The following CELA2B variants were observed in gnomAD, a reference collection of about 807,000 sequenced individuals.
CELA2B encodes the protein chymotrypsin-like elastase family member 2B.
A neutral mutation model predicts 36.5 loss-of-function variants in CELA2B; 27 were observed. The ratio of observed to expected loss-of-function variants is 0.74; its 90% CI spans 0.55 to 1.02. The LOEUF is 1.02. Among genes scored for constraint, CELA2B ranks in the 50% least tolerant of loss-of-function variants. The pLI is 0.00. For missense variants in CELA2B, 340 were observed against 347.8 expected (o/e 0.98, Z 0.18); for synonymous variants, 143 against 148.5 (o/e 0.96, Z 0.27).
chr1:15,489,570 A>C lies in CELA2B; in HGVS notation c.793-1725A>C, dbSNP rs551203209. On this transcript the variant is annotated intron_variant, in intron 7 of 7. Coordinates refer to ENST00000375910, the MANE Select transcript of CELA2B (RefSeq NM_015849.3). The stretch of plus-strand genomic sequence containing the variant: ...ACGTACCACTAGAGCCCTGGGGGTG[A>C]CTGAGAGCACCTGCCTGGATAAACC... Among the ~76,000 whole-genome samples, 148 of 152,254 alleles carry C rather than the reference A, an allele frequency of 9.7e-4. 1 individual carries two copies. The highest frequency in any genetic ancestry group is 3.5e-3 in the African/African-American group (144 of 41,550).
chr1:15,484,801 A>T (rs1708784492), intron 5 of CELA2B, among the ~76,000 whole-genome samples: 1 of 152,252 alleles, frequency 6.6e-6, no homozygotes, highest in African/African-American at 2.4e-5. Flanking sequence ...CTGTTGGTGA[A>T]GACTAAAAGA....
At position 15,476,527 on chromosome 1, in the gene CELA2B, C is replaced by T; in HGVS notation, c.111C>T (p.Pro37=). ...TGCTTGGAGGTGAAGAAGCGAGGCC[C>T]AACAGCTGGCCCTGGCAGGTGAGTT... is the stretch of plus-strand genomic sequence containing the variant. The part of the protein sequence containing the change: ...SRMLGGEEAR[P]NSWPWQVSLQ... The change falls in exon 2 of 8, where the codon CCC becomes CCT. Residue 37 remains proline, a synonymous_variant. Coordinates refer to ENST00000375910, the MANE Select transcript of CELA2B (RefSeq NM_015849.3). The T allele has an allele frequency of 6.2e-7, 1 of 1,613,924 alleles. No homozygotes were observed. The highest frequency in any genetic ancestry group is 1.1e-5 in the South Asian group (1 of 91,068).
In CELA2B at chr1:15,482,291, T is replaced by C; in HGVS notation, c.254T>C (p.Leu85Pro). ...ISSSGIYRVMLGQHNLYVAES... is the reference protein window; with the variant it reads ...ISSSGIYRVMPGQHNLYVAES... ...TCCTCCGGGATCTACCGCGTGATGC[T>C]GGGCCAGCATAACCTCTACGTTGCA... Residue 85 changes from leucine (L) to proline (P), a missense_variant, in exon 4 of 8, where the codon CTG becomes CCG. Physicochemically the swap from Leu to Pro is moderately conservative, Grantham distance 98. Transcript: ENST00000375910. 2.5e-6 allele frequency: 4 copies of C among 1,614,080 alleles called. No individual in the cohort carries two copies. Among genetic ancestry groups the C allele is most frequent in the Non-Finnish European group, 3.4e-6 (4 of 1,179,962 alleles).
rs762540677 is a variant in CELA2B at position 15,481,005 on chromosome 1, C to T, written c.130-93C>T. 243 of 1,430,280 alleles carry T rather than the reference C, an allele frequency of 1.7e-4. 2 individuals are homozygous for T. Among genetic ancestry groups the T allele is most frequent in the African/African-American group, 3.9e-4 (28 of 71,274 alleles). The allele number at this position is 1,430,280 out of a possible 1,614,324, so 88.6% of individuals were successfully genotyped here. ...TACCTGAGGTGAGTGCCTCACTCCCCCTTACCCTTGTCCCAGCCCCGTTCT... is the reference window on the plus strand; with the variant it reads ...TACCTGAGGTGAGTGCCTCACTCCCTCTTACCCTTGTCCCAGCCCCGTTCT... On this transcript the variant is annotated intron_variant, in intron 2 of 7. Transcript: ENST00000375910.
rs113521521 is a variant in CELA2B, at chr1:15,482,204, T to C, written c.228-61T>C. On this transcript the variant is annotated intron_variant, in intron 3 of 7. Coordinates refer to ENST00000375910, the MANE Select transcript of CELA2B (RefSeq NM_015849.3). ...GCAGCCAGTTACTTGGGTCTATCCC[T>C]AGCATTATTCAAAGCCAGGCCTCTG... The C allele has an allele frequency of 2.3e-5, 36 of 1,594,224 alleles. No individual in the cohort carries two copies. The African/African-American group carries it at 3.0e-4, about 13-fold the overall frequency.
At chr1:15,485,707 G>A (rs1239666394) in intron 5 of CELA2B, among the ~76,000 whole-genome samples, 194 bp from the exon 6 acceptor site, 1 of 152,204 alleles carries the variant, frequency 6.6e-6, no homozygotes, top group Non-Finnish European at 1.5e-5. Context: ...TGAGTTAGGT[G>A]TTCACTGCTG....
intron 5 of CELA2B, 67 bp downstream of exon 5, chr1:15,483,467 G>T: frequency 6.2e-7 from 1 of 1,608,308 alleles, no homozygotes; most frequent in Admixed American, 1.7e-5. Flanking sequence ...TGTCCGGCCA[G>T]GGCCTCTCAC....
chr1:15,482,964 T>A (rs1195805917), intron 4 of CELA2B, among the ~76,000 whole-genome samples: 6 of 151,986 alleles, frequency 3.9e-5, no homozygotes, highest in Non-Finnish European at 7.4e-5. Flanking sequence ...ATCTTTTGTA[T>A]TTTTAGTAGA....
chr1:15,491,186 C>T (rs1708886693), intron 7 of CELA2B, 109 bp from the exon 8 acceptor site: 2 of 1,286,854 alleles, frequency 1.6e-6, no homozygotes, highest in South Asian at 1.2e-5. Context: ...TGTGGGCTGC[C>T]TGTGACTCAC....
At chr1:15,486,977 G>C (rs1055826939) in intron 6 of CELA2B, among the ~76,000 whole-genome samples, 1 of 152,124 alleles carries the variant, frequency 6.6e-6, no homozygotes, top group Non-Finnish European at 1.5e-5. Flanking sequence ...TGCAACCTTG[G>C]GCAAGTCCCA....
At chr1:15,487,177 A>C (rs572417457) in intron 6 of CELA2B, 108 bp from the exon 7 acceptor site, 24 of 1,053,258 alleles carry the variant, frequency 2.3e-5, no homozygotes, top group African/African-American at 7.8e-5. Flanking sequence ...GACCAGCTTC[A>C]GAGGACAGTG....
At position 15,487,290 on chromosome 1, in the gene CELA2B, C is replaced by G. The variant is rs775044923; in HGVS notation, c.645C>G (p.Asp215Glu). The G allele has an allele frequency of 5.6e-6, 9 of 1,614,224 alleles. No homozygotes were observed. The East Asian group carries it at 1.6e-4, about 28-fold the overall frequency. Residue 215 changes from aspartate to glutamate, a missense_variant, in exon 7 of 8, where the codon GAC becomes GAG. Asp to Glu is a conservative substitution (Grantham distance 45). Coordinates refer to ENST00000375910, the MANE Select transcript of CELA2B (RefSeq NM_015849.3). ...ATAACTCTGGCCTTCCTCAGGGAGA[C>G]TCCGGTGGGCCGCTGAACTGTCAGG... The part of the protein sequence containing the change: ...GDGVICTCNG[D>E]SGGPLNCQAS...
chr1:15,487,851 A>G (rs1708824718), intron 7 of CELA2B, among the ~76,000 whole-genome samples: 1 of 152,184 alleles, frequency 6.6e-6, no homozygotes, highest in African/African-American at 2.4e-5. Flanking sequence ...GTCCCCCTCA[A>G]GGGTCCTCCA....
intron 7 of CELA2B, 174 bp from the exon 8 acceptor site, chr1:15,491,121 T>C (rs551160106): frequency 2.8e-6 from 2 of 710,406 alleles, no homozygotes; most frequent in South Asian, 3.4e-5. Context: ...AAAGCTGTGA[T>C]TGCATCTTTT....
At chr1:15,486,215 T>C (rs546133310) in intron 6 of CELA2B, among the ~76,000 whole-genome samples, 169 bp downstream of exon 6, 1 of 152,274 alleles carries the variant, frequency 6.6e-6, no homozygotes, top group East Asian at 1.9e-4. Context: ...GCATAGTGGC[T>C]CATGCCTGTA....
chr1:15,483,195 G>C, intron 4 of CELA2B, 69 bp from the exon 5 acceptor site: 1 of 1,599,592 alleles, frequency 6.3e-7, no homozygotes, highest in Non-Finnish European at 8.5e-7. Flanking sequence ...AGGTCTCCAA[G>C]CCCTCCAAAG....
chr1:15,489,547 G>A (rs1233018253), intron 7 of CELA2B, among the ~76,000 whole-genome samples: 5 of 152,138 alleles, frequency 3.3e-5, no homozygotes, highest in Admixed American at 6.5e-5. Context: ...CTGGAGTCAC[G>A]TACCACTAGA....
intron 3 of CELA2B, chr1:15,481,699 T>A: frequency 2.1e-6 from 1 of 470,604 alleles, no homozygotes; most frequent in Non-Finnish European, 4.4e-6. Context: ...TCCTCTTCTT[T>A]GTCCGTGACC....
intron 5 of CELA2B, among the ~76,000 whole-genome samples, chr1:15,483,791 T>C (rs1231304808): frequency 2.0e-5 from 3 of 151,836 alleles, no homozygotes; most frequent in African/African-American, 7.3e-5. Context: ...TCGCCAGGTG[T>C]GGTGTTGTGC....
Sources: allele counts gnomAD v4.1 joint callset (sites outside exome capture counted in the v4.1 genomes callset), GRCh38; gene constraint gnomAD v4.1.1; transcripts MANE v1.5; gene names NCBI Gene and HGNC (gene_info 2026-07-23, HGNC 2026-07-21).